ZFHX3: variants seen among roughly 807,000 people sequenced by gnomAD.
ZFHX3 encodes the protein zinc finger homeobox 3.
ZFHX3 carries 42 observed loss-of-function variants against 279.1 expected under a neutral mutation model. That is an observed-to-expected ratio of 0.15 (90% CI 0.12 to 0.19). The LOEUF is 0.19. ZFHX3 is among the 10% of genes least tolerant of loss of function. ZFHX3 has a pLI of 1.00. For missense variants in ZFHX3, 4,981 were observed against 4,754.0 expected, an observed-to-expected ratio of 1.05 and a Z score of -1.40; for synonymous variants, 2,293 against 1,957.8, an observed-to-expected ratio of 1.17 and a Z score of -4.52.
At chr16:73,729,385 T>C (rs552461115) in intron 1 of ZFHX3, among the ~76,000 whole-genome samples, 159 of 152,188 alleles carry the variant, frequency 1.0e-3, no homozygotes, top group Non-Finnish European at 1.8e-3. Flanking sequence ...AAAAATTAGC[T>C]GGGTATGATG....
chr16:73,429,163 C>T (rs1341936137), intron 3 of ZFHX3, among the ~76,000 whole-genome samples: 1 of 152,178 alleles, frequency 6.6e-6, no homozygotes, highest in Non-Finnish European at 1.5e-5. Flanking sequence ...CTCTCCCAAT[C>T]ACCCTACTCT....
chr16:73,567,686 G>T (rs2020470251), intron 2 of ZFHX3, among the ~76,000 whole-genome samples: 1 of 152,130 alleles, frequency 6.6e-6, no homozygotes, highest in Non-Finnish European at 1.5e-5. Flanking sequence ...CATTTATTTT[G>T]TTCTCATTCC....
intron 3 of ZFHX3, among the ~76,000 whole-genome samples, chr16:72,904,421 A>AAAAT (rs1481684693): frequency 2.0e-5 from 3 of 146,906 alleles, no homozygotes; most frequent in African/African-American, 2.5e-5. Context: ...TAAATAAATA[A>AAAAT]AAATTGTGGG....
intron 2 of ZFHX3, among the ~76,000 whole-genome samples, chr16:73,669,501 G>A (rs2052880638): frequency 6.6e-6 from 1 of 152,228 alleles, no homozygotes; most frequent in African/African-American, 2.4e-5. Flanking sequence ...AAGACTCAGG[G>A]AAGCTTGTAA....
chr16:73,334,539 C>T (rs1440449793), intron 3 of ZFHX3, among the ~76,000 whole-genome samples: 1 of 152,044 alleles, frequency 6.6e-6, no homozygotes, highest in Non-Finnish European at 1.5e-5. Context: ...ACTTCCTGTC[C>T]GCTGCAGCCC....
intron 4 of ZFHX3, among the ~76,000 whole-genome samples, chr16:72,878,440 C>T (rs73590736): frequency 5.1e-4 from 77 of 152,316 alleles, no homozygotes; most frequent in African/African-American, 1.7e-3. Flanking sequence ...TGCTGTGGGG[C>T]TTCTCAATGC....
chr16:73,680,094 T>G (rs1280307958), intron 2 of ZFHX3: 1 of 152,132 alleles, frequency 6.6e-6, no homozygotes, highest in Non-Finnish European at 1.5e-5. Flanking sequence ...AAATCAACCT[T>G]TAACTACATC....
intron 3 of ZFHX3, among the ~76,000 whole-genome samples, chr16:73,441,560 T>C (rs1270119587): frequency 6.6e-6 from 1 of 152,014 alleles, no homozygotes; most frequent in Non-Finnish European, 1.5e-5. Context: ...GTTGGGGTAA[T>C]AATGATTCAC....
At chr16:72,940,062 G>A (rs1307321482) in intron 3 of ZFHX3, among the ~76,000 whole-genome samples, 3 of 151,830 alleles carry the variant, frequency 2.0e-5, no homozygotes, top group East Asian at 1.9e-4. Flanking sequence ...GGTGTGTGCC[G>A]CCACACCTGG....
At chr16:72,990,299 G>A (rs796426367) in intron 1 of ZFHX3, among the ~76,000 whole-genome samples, 18 of 152,304 alleles carry the variant, frequency 1.2e-4, no homozygotes, top group African/African-American at 4.3e-4. Flanking sequence ...AAATGCCAGG[G>A]AAACGCATTG....
At chr16:73,001,801 A>G (rs372572843) in intron 1 of ZFHX3, among the ~76,000 whole-genome samples, 5 of 152,068 alleles carry the variant, frequency 3.3e-5, no homozygotes, top group South Asian at 2.1e-4. Flanking sequence ...CAGCTTGGAC[A>G]AGACAGTGAG....
chr16:72,864,914 C>G (rs1345700159), intron 4 of ZFHX3, among the ~76,000 whole-genome samples: 1 of 152,202 alleles, frequency 6.6e-6, no homozygotes, highest in African/African-American at 2.4e-5. Context: ...AAAAATGAGA[C>G]TGTCCTGTAA....
chr16:72,830,690 G>T (rs1185581658), intron 4 of ZFHX3, among the ~76,000 whole-genome samples: 2 of 152,194 alleles, frequency 1.3e-5, no homozygotes, highest in Non-Finnish European at 2.9e-5. Flanking sequence ...GCCAAGTGGG[G>T]AAGAAGAGAA....
chr16:73,528,698 T>A (rs574471652), intron 2 of ZFHX3, among the ~76,000 whole-genome samples: 3 of 152,212 alleles, frequency 2.0e-5, no homozygotes, highest in African/African-American at 7.2e-5. Flanking sequence ...ATTCCTGAAG[T>A]AGTGACGATG....
upstream of ZFHX3, among the ~76,000 whole-genome samples, chr16:73,051,971 C>T (rs1226744820): frequency 3.3e-5 from 5 of 152,162 alleles, no homozygotes; most frequent in Admixed American, 6.5e-5. Flanking sequence ...AGGACAGCAT[C>T]GCAATCTGGG....
chr16:73,310,058 A>G (rs2015289256), intron 4 of ZFHX3, among the ~76,000 whole-genome samples: 1 of 151,568 alleles, frequency 6.6e-6, no homozygotes, highest in Admixed American at 6.6e-5. Flanking sequence ...ACAGGTGCCC[A>G]CCACCACGCC....
chr16:73,057,800 C>G (rs1426199030), intron 1 of ZFHX3, among the ~76,000 whole-genome samples: 2 of 150,920 alleles, frequency 1.3e-5, no homozygotes, highest in African/African-American at 4.8e-5. Flanking sequence ...CCCCGTGGCT[C>G]CGAACGGGCT....
intron 4 of ZFHX3, among the ~76,000 whole-genome samples, chr16:73,267,236 C>T (rs962973553): frequency 4.6e-5 from 7 of 152,218 alleles, no homozygotes; most frequent in Admixed American, 2.6e-4. Flanking sequence ...CACTGAATTG[C>T]CATCTCTCCC....
At chr16:73,735,909 T>TTGTTTGTTTGTTTG (rs1195698951) in intron 1 of ZFHX3, among the ~76,000 whole-genome samples, 8 of 148,132 alleles carry the variant, frequency 5.4e-5, no homozygotes, top group African/African-American at 2.1e-4. Context: ...TTTTTTTTTT[T>TTGTTTGTTTGTTTG]TTTTTTTAAT....
Sources: gnomAD v4.1 joint callset for allele counts (sites outside exome capture counted in the v4.1 genomes callset) on GRCh38, gnomAD v4.1.1 for gene constraint, MANE v1.5 for transcripts, NCBI Gene and HGNC (gene_info 2026-07-23, HGNC 2026-07-21) for gene names.